The following UBAC2 variants were observed in gnomAD, a reference collection of about 807,000 sequenced individuals.
UBAC2 encodes the protein ubiquitin-associated domain-containing protein 2.
UBAC2 carries 26 observed loss-of-function variants against 44.0 expected under a neutral mutation model. The ratio of observed to expected loss-of-function variants is 0.59; its 90% CI spans 0.43 to 0.82. The LOEUF is 0.82. Ranked by LOEUF, UBAC2 falls within the 40% of genes least tolerant of loss-of-function variation. UBAC2 has a pLI of 0.00. For missense variants in UBAC2, 329 were observed against 419.4 expected (o/e 0.78, Z 1.88); for synonymous variants, 155 against 154.3 (o/e 1.00, Z -0.04).
chr13:99,250,346 C>G (rs1041881546), intron 4 of UBAC2, among the ~76,000 whole-genome samples: 19 of 152,118 alleles, frequency 1.2e-4, no homozygotes, highest in African/African-American at 4.3e-4. Context: ...GTTTTGTGAA[C>G]TTTGTTGAAT....
chr13:99,374,378 TC>T (rs2045451448), intron 8 of UBAC2, among the ~76,000 whole-genome samples: 1 of 152,190 alleles, frequency 6.6e-6, no homozygotes. Flanking sequence ...CATGAGTGAC[TC>T]CATTTAGTTT....
chr13:99,346,910 G>A (rs1594152775), intron 7 of UBAC2, among the ~76,000 whole-genome samples: 1 of 101,352 alleles, frequency 9.9e-6, no homozygotes, highest in Admixed American at 9.6e-5. Context: ...GAATTAATGA[G>A]CAAATATGAG....
At chr13:99,234,342 C>A in intron 1 of UBAC2, 1 of 335,732 alleles carries the variant, frequency 3.0e-6, no homozygotes, top group South Asian at 2.0e-5. Context: ...CGCTTGCCAC[C>A]ACGCCCGGGT....
At chr13:99,342,286 G>A (rs148983107) in intron 7 of UBAC2, among the ~76,000 whole-genome samples, 3 of 152,298 alleles carry the variant, frequency 2.0e-5, no homozygotes, top group Non-Finnish European at 4.4e-5. Flanking sequence ...CCATGCGTAC[G>A]ACCTCTTTGA....
intron 6 of UBAC2, among the ~76,000 whole-genome samples, chr13:99,334,178 C>T (rs2044755424): frequency 6.6e-6 from 1 of 151,884 alleles, no homozygotes; most frequent in African/African-American, 2.4e-5. Flanking sequence ...CCAGGCTGGT[C>T]TTGAACTCCT....
intron 8 of UBAC2, among the ~76,000 whole-genome samples, chr13:99,376,608 C>A (rs1320800720): frequency 6.6e-6 from 1 of 152,214 alleles, no homozygotes; most frequent in Non-Finnish European, 1.5e-5. Flanking sequence ...CTGGATGTTA[C>A]ATTTGGGGAA....
chr13:99,333,316 A>AT (rs2044743162), intron 6 of UBAC2, among the ~76,000 whole-genome samples: 1 of 152,236 alleles, frequency 6.6e-6, no homozygotes, highest in Non-Finnish European at 1.5e-5. Flanking sequence ...GTAGCACTTT[A>AT]TTTGACAACT....
intron 4 of UBAC2, among the ~76,000 whole-genome samples, chr13:99,302,672 A>G (rs1442288165): frequency 1.3e-5 from 2 of 152,174 alleles, no homozygotes; most frequent in African/African-American, 4.8e-5. Flanking sequence ...TGCCTGTAAA[A>G]TGGACAGTGG....
intron 1 of UBAC2, chr13:99,231,516 G>C (rs2043172778): frequency 6.9e-6 from 1 of 145,118 alleles, no homozygotes; most frequent in African/African-American, 2.6e-5. Flanking sequence ...GGGTTCAAGT[G>C]AGTCTCCCAC....
intron 4 of UBAC2, among the ~76,000 whole-genome samples, chr13:99,299,631 GA>G (rs1365386326): frequency 6.6e-6 from 1 of 152,032 alleles, no homozygotes; most frequent in African/African-American, 2.4e-5. Flanking sequence ...ATTTTAATGG[GA>G]AAAAATTTTA....
At chr13:99,246,862 C>T (rs1258307985) in intron 4 of UBAC2, among the ~76,000 whole-genome samples, 3 of 152,194 alleles carry the variant, frequency 2.0e-5, no homozygotes, top group Admixed American at 6.5e-5. Flanking sequence ...AAATATATTT[C>T]TCTTCCTTTT....
intron 8 of UBAC2, among the ~76,000 whole-genome samples, chr13:99,374,320 G>T (rs1335194330): frequency 6.6e-6 from 1 of 152,068 alleles, no homozygotes; most frequent in Non-Finnish European, 1.5e-5. Flanking sequence ...TCTTGTTTTG[G>T]GATCTGTCTG....
rs894555199 is a variant in UBAC2 at position 99,227,368 on chromosome 13, C to T, written c.32-11059C>T. On this transcript the variant is annotated intron_variant, in intron 1 of 8. Coordinates refer to ENST00000403766, the MANE Select transcript of UBAC2 (RefSeq NM_001144072.2). ...GTCCACTCCACACTGTCGTCAGCCC[C>T]GGGAGCTGGCTGATAGAGTAACCAC... Among the ~76,000 whole-genome samples the T allele has an allele frequency of 5.3e-5, 8 of 152,140 alleles. No individual in the cohort carries two copies. In the East Asian group the frequency reaches 5.8e-4, roughly 11 times the overall value.
At chr13:99,285,930 C>T (rs993919699) in intron 4 of UBAC2, among the ~76,000 whole-genome samples, 4 of 152,076 alleles carry the variant, frequency 2.6e-5, no homozygotes, top group African/African-American at 9.7e-5. Context: ...CAGTTCAACT[C>T]CCTGAAACTC....
intron 4 of UBAC2, chr13:99,294,884 G>C (rs1341184904): frequency 5.3e-6 from 3 of 570,176 alleles, no homozygotes; most frequent in East Asian, 6.0e-5. Context: ...GCTTTATGTT[G>C]TTTGCTTTAT....
chr13:99,345,258 A>G (rs933767231), intron 7 of UBAC2, among the ~76,000 whole-genome samples: 3 of 152,226 alleles, frequency 2.0e-5, no homozygotes, highest in East Asian at 1.9e-4. Context: ...AAGCCTGACA[A>G]TAGATTTCGG....
intron 8 of UBAC2, among the ~76,000 whole-genome samples, chr13:99,377,872 G>A (rs890193628): frequency 5.9e-5 from 9 of 152,200 alleles, no homozygotes; most frequent in Non-Finnish European, 1.2e-4. Flanking sequence ...GAGAGTCAGA[G>A]CCTGGTCCCC....
At chr13:99,255,755 TAAC>T (rs1291668277) in intron 4 of UBAC2, 2 of 1,613,914 alleles carry the variant, frequency 1.2e-6, no homozygotes, top group Admixed American at 3.3e-5. Flanking sequence ...GCAGTGATGT[TAAC>T]AAATAATCCA....
At chr13:99,277,454 G>A (rs538008108) in intron 4 of UBAC2, among the ~76,000 whole-genome samples, 1 of 151,520 alleles carries the variant, frequency 6.6e-6, no homozygotes, top group South Asian at 2.1e-4. Context: ...GAACCTGGGA[G>A]GCGGAGGTTA....
Sources: gnomAD v4.1 joint callset for allele counts (sites outside exome capture counted in the v4.1 genomes callset) on GRCh38, gnomAD v4.1.1 for gene constraint, MANE v1.5 for transcripts, NCBI Gene and HGNC (gene_info 2026-07-23, HGNC 2026-07-21) for gene names.